The following DDX6 variants were observed in gnomAD, a reference collection of about 807,000 sequenced individuals.
DDX6 encodes the protein probable ATP-dependent RNA helicase DDX6.
Under a neutral mutation model 60.6 loss-of-function variants are expected in DDX6, and 7 were observed. That is an observed-to-expected ratio of 0.12 (90% CI 0.07 to 0.22). The LOEUF (loss-of-function observed/expected upper bound fraction) is 0.22. Among genes scored for constraint, DDX6 ranks in the 10% least tolerant of loss-of-function variants. The probability of loss-of-function intolerance (pLI) is 1.00; values close to 1 mark genes in which losing one functional copy is unlikely to be tolerated. For synonymous variants in DDX6, 207 were observed against 201.0 expected, an observed-to-expected ratio of 1.03 and a Z score of -0.25; for missense variants, 270 against 589.9, an observed-to-expected ratio of 0.46 and a Z score of 5.62.
At chr11:118,772,053 A>C (rs1861552053) in intron 4 of DDX6, among the ~76,000 whole-genome samples, 1 of 152,210 alleles carries the variant, frequency 6.6e-6, no homozygotes, top group Non-Finnish European at 1.5e-5. Context: ...CTTTATTCAT[A>C]AATAAAACTT....
At chr11:118,760,129 C>A (rs1401889242) in intron 7 of DDX6, 85 bp from the exon 8 acceptor site, 11 of 1,233,616 alleles carry the variant, frequency 8.9e-6, no homozygotes, top group Non-Finnish European at 1.1e-5. Flanking sequence ...AATAAGGCAT[C>A]ATCCAACAAA....
Position 118,749,661 on chromosome 11 carries a change from G to T in DDX6, c.*2444C>A, listed in dbSNP as rs1235170576. 9 of 152,656 alleles carry T rather than the reference G, an allele frequency of 5.9e-5. No homozygotes were observed. Among genetic ancestry groups the T allele is most frequent in the Non-Finnish European group, 1.2e-4 (8 of 68,038 alleles). The allele number at this position is 152,656 out of a possible 1,614,324, so 9.5% of individuals were successfully genotyped here. On this transcript the variant is annotated 3_prime_UTR_variant, in exon 14 of 14. Transcript: ENST00000534980. Reference sequence around the variant, plus strand: ...TAGTCACCCACACGTTCTCTAGCGAGATACAGAATTGCATTTATACTCTTT... The same window carrying T: ...TAGTCACCCACACGTTCTCTAGCGATATACAGAATTGCATTTATACTCTTT...
At chr11:118,781,692 C>T (rs1861904998) in intron 2 of DDX6, among the ~76,000 whole-genome samples, 1 of 152,180 alleles carries the variant, frequency 6.6e-6, no homozygotes, top group African/African-American at 2.4e-5. Context: ...CTTTGGGAGG[C>T]CAAGGTGGGC....
rs185830810 is a variant in DDX6, at chr11:118,760,878, G to A, written c.742-834C>T. ...TCTGAGGCCGGGTGCAGTGGCTCAC[G>A]CCTGTAATCCCAGCACTTTGGGAGG... On this transcript the variant is annotated intron_variant, in intron 7 of 13. Transcript: ENST00000534980. Among the ~76,000 whole-genome samples, 21 of 149,340 alleles carry A rather than the reference G, an allele frequency of 1.4e-4. No homozygotes were observed. In the East Asian group the frequency reaches 3.6e-3, roughly 25 times the overall value.
Position 118,768,322 on chromosome 11 carries a change from T to C in DDX6, c.400A>G (p.Arg134Gly). ...TTTTTTGCTCTAGCTAAGATATCCCTACCAGATAAAGCAATGGGAATGCTC... is the reference window on the plus strand; with the variant it reads ...TTTTTTGCTCTAGCTAAGATATCCCCACCAGATAAAGCAATGGGAATGCTC... Reference protein sequence around the residue: ...EESIPIALSGRDILARAKNGT... With the variant: ...EESIPIALSGGDILARAKNGT... Residue 134 changes from arginine to glycine, a missense_variant, in exon 5 of 14, where the codon AGG (arginine) becomes GGG (glycine). Transcript: ENST00000534980. 6.2e-7 allele frequency: 1 copy of C among 1,612,752 alleles called. No individual in the cohort carries two copies. Among genetic ancestry groups the C allele is most frequent in the Non-Finnish European group, 8.5e-7 (1 of 1,179,808 alleles).
chr11:118,779,509 A>G, intron 4 of DDX6, 123 bp downstream of exon 4: 1 of 589,664 alleles, frequency 1.7e-6, no homozygotes, highest in South Asian at 2.6e-5. Context: ...TAAAAATTTC[A>G]GAAAAAGTGT....
At chr11:118,762,243 T>C (rs1164639414) in intron 7 of DDX6, among the ~76,000 whole-genome samples, 2 of 148,232 alleles carry the variant, frequency 1.3e-5, no homozygotes, top group African/African-American at 5.0e-5. Flanking sequence ...GCCACTGCAC[T>C]CCAGTCTGGG....
chr11:118,754,566 A>G (rs1363322527), intron 13 of DDX6, 139 bp downstream of exon 13: 1 of 695,742 alleles, frequency 1.4e-6, no homozygotes, highest in Non-Finnish European at 2.3e-6. Context: ...AAGAGATATT[A>G]TTTACTGTCA....
intron 12 of DDX6, 91 bp from the exon 13 acceptor site, chr11:118,754,978 TTGATAA>T: frequency 9.0e-7 from 1 of 1,110,270 alleles, no homozygotes; most frequent in East Asian, 2.6e-5. Flanking sequence ...CCACACAGGA[TTGATAA>T]TGATGTTCAG....
At chr11:118,756,018 C>CG (rs1167034627) in intron 11 of DDX6, among the ~76,000 whole-genome samples, 1 of 16,682 alleles carries the variant, frequency 6.0e-5, no homozygotes, top group Non-Finnish European at 1.8e-4. Flanking sequence ...CATCCCCCTC[C>CG]CCCCCCCCCC....
At chr11:118,782,078 T>C (rs1861917643) in intron 2 of DDX6, among the ~76,000 whole-genome samples, 1 of 152,154 alleles carries the variant, frequency 6.6e-6, no homozygotes, top group Non-Finnish European at 1.5e-5. Context: ...CCAGCCATGG[T>C]GGCATGTGCC....
chr11:118,763,367 G>A (rs1861239104), intron 6 of DDX6, 61 bp from the exon 7 acceptor site: 1 of 1,292,448 alleles, frequency 7.7e-7, no homozygotes, highest in Admixed American at 1.7e-5. Flanking sequence ...AGAGGATAAA[G>A]GTTTATAATA....
At position 118,751,669 on chromosome 11, in the gene DDX6, A is replaced by T. The variant is rs1555157386; in HGVS notation, c.*436T>A. On this transcript the variant is annotated 3_prime_UTR_variant, in exon 14 of 14. Transcript: ENST00000534980. ...AAGGCACTTCGCACAAATAAGTAAT[A>T]AGCTCTTCAGGCTTAAAAAACGGAT... 8.3e-6 allele frequency: 2 copies of T among 240,156 alleles called. No individual in the cohort carries two copies. Among genetic ancestry groups the T allele is most frequent in the Non-Finnish European group, 1.7e-5 (2 of 119,648 alleles). The allele number at this position is 240,156 out of a possible 1,614,324, so 14.9% of individuals were successfully genotyped here. A position where few individuals can be genotyped will look rare whatever the true frequency, so the allele number is the denominator to read the frequency against.
intron 13 of DDX6, 145 bp downstream of exon 13, chr11:118,754,560 G>A (rs1324115521): frequency 1.5e-6 from 1 of 664,762 alleles, no homozygotes; most frequent in East Asian, 2.9e-5. Flanking sequence ...TCCCACAAGA[G>A]ATATTATTTA....
At chr11:118,759,067 C>A (rs1226459591) in intron 8 of DDX6, 165 bp from the exon 9 acceptor site, 3 of 886,908 alleles carry the variant, frequency 3.4e-6, no homozygotes, top group Admixed American at 3.1e-5. Flanking sequence ...GAATTTCCCC[C>A]CTGCCACCCT....
At chr11:118,762,618 T>C (rs1350978032) in intron 7 of DDX6, among the ~76,000 whole-genome samples, 23 of 152,140 alleles carry the variant, frequency 1.5e-4, no homozygotes, top group Non-Finnish European at 3.2e-4. Context: ...GAGTATCATA[T>C]AGCATATTAC....
intron 10 of DDX6, among the ~76,000 whole-genome samples, 177 bp from the exon 11 acceptor site, chr11:118,756,500 T>A (rs1555158981): frequency 6.6e-6 from 1 of 152,222 alleles, no homozygotes; most frequent in Non-Finnish European, 1.5e-5. Context: ...CTACAGAAAC[T>A]GTTTACTTAC....
upstream of DDX6, chr11:118,791,513 A>G (rs2078622444): frequency 6.6e-6 from 1 of 152,234 alleles, no homozygotes; most frequent in African/African-American, 2.4e-5. Context: ...CGCCCCTCCA[A>G]AGTAAAAATC....
Position 118,791,088 on chromosome 11 carries a change from C to G in DDX6, c.-268+10G>C, listed in dbSNP as rs1313118199. On this transcript the variant is annotated intron_variant, in intron 1 of 13. Transcript: ENST00000534980. The stretch of plus-strand genomic sequence containing the variant: ...CCGAGCCGCCGGCTCCCCCGGCTGT[C>G]CAGCCCTACCTCCTCCGCTGCCCGC... 6.6e-6 allele frequency: 1 copy of G among 151,070 alleles called. No individual in the cohort carries two copies. The allele number at this position is 151,070 out of a possible 1,614,324, so 9.4% of individuals were successfully genotyped here.
Sources: allele counts gnomAD v4.1 joint callset (sites outside exome capture counted in the v4.1 genomes callset), GRCh38; gene constraint gnomAD v4.1.1; transcripts MANE v1.5; gene names NCBI Gene and HGNC (gene_info 2026-07-23, HGNC 2026-07-21).